Variants in TMEM132B observed in about 807,000 individuals in gnomAD.
TMEM132B encodes the protein transmembrane protein 132B.
TMEM132B carries 18 observed loss-of-function variants against 90.8 expected under a neutral mutation model. The ratio of observed to expected loss-of-function variants is 0.20; its 90% CI spans 0.14 to 0.29. The LOEUF (loss-of-function observed/expected upper bound fraction) is 0.29, where lower values mean the gene tolerates loss of function less well. Ranked by LOEUF, TMEM132B falls within the 10% of genes least tolerant of loss-of-function variation. The pLI is 1.00. For synonymous variants in TMEM132B, 504 were observed against 523.3 expected (o/e 0.96, Z 0.50); for missense variants, 1,096 against 1,326.8 (o/e 0.83, Z 2.70).
At chr12:125,590,002 T>C (rs141876863) in intron 5 of TMEM132B, among the ~76,000 whole-genome samples, 1 of 152,244 alleles carries the variant, frequency 6.6e-6, no homozygotes, top group African/African-American at 2.4e-5. Context: ...CATGAATGGC[T>C]TAGTGCTGTC....
chr12:125,355,902 A>G (rs1877753009), intron 2 of TMEM132B, among the ~76,000 whole-genome samples: 1 of 152,164 alleles, frequency 6.6e-6, no homozygotes, highest in African/African-American at 2.4e-5. Flanking sequence ...GTGATTCTCT[A>G]ATACCAAGAT....
intron 5 of TMEM132B, among the ~76,000 whole-genome samples, chr12:125,629,363 T>C (rs917615633): frequency 3.9e-5 from 6 of 152,102 alleles, no homozygotes; most frequent in Non-Finnish European, 5.9e-5. Flanking sequence ...GTTTACTTCT[T>C]TGGTTAATTC....
At chr12:125,272,482 CGCCCAG>C (rs980925366) in intron 1 of TMEM132B, among the ~76,000 whole-genome samples, 28 of 152,128 alleles carry the variant, frequency 1.8e-4, no homozygotes, top group Admixed American at 3.9e-4. Flanking sequence ...TGATCCCCTG[CGCCCAG>C]GCCTGTCTTT....
chr12:125,600,453 T>A (rs375946229), intron 5 of TMEM132B, among the ~76,000 whole-genome samples: 79 of 152,334 alleles, frequency 5.2e-4, no homozygotes, highest in African/African-American at 1.8e-3. Context: ...CGTTTGCTTG[T>A]CAACTTGTTA....
intron 3 of TMEM132B, among the ~76,000 whole-genome samples, chr12:125,419,212 C>A (rs569559549): frequency 6.6e-6 from 1 of 152,320 alleles, no homozygotes; most frequent in African/African-American, 2.4e-5. Flanking sequence ...GTTGCTGTAA[C>A]CCAACTCAAG....
intron 4 of TMEM132B, among the ~76,000 whole-genome samples, chr12:125,560,381 T>G (rs1178362404): frequency 6.6e-6 from 1 of 152,178 alleles, no homozygotes; most frequent in Non-Finnish European, 1.5e-5. Context: ...CCTGAAATAA[T>G]AAGTCATTCA....
chr12:125,380,359 A>G (rs777091901), intron 2 of TMEM132B, among the ~76,000 whole-genome samples: 27 of 152,218 alleles, frequency 1.8e-4, no homozygotes, highest in Non-Finnish European at 3.7e-4. Context: ...ACTGTAACCC[A>G]GGATGATTTC....
intron 4 of TMEM132B, among the ~76,000 whole-genome samples, chr12:125,550,582 C>G (rs1329742307): frequency 6.6e-6 from 1 of 152,142 alleles, no homozygotes; most frequent in Non-Finnish European, 1.5e-5. Flanking sequence ...TCATATTTTT[C>G]TTTCTGTTTA....
chr12:125,272,602 A>C (rs762524968), intron 1 of TMEM132B, among the ~76,000 whole-genome samples: 1 of 152,058 alleles, frequency 6.6e-6, no homozygotes, highest in Non-Finnish European at 1.5e-5. Flanking sequence ...TTGGCACCAC[A>C]TCCAAGTGGC....
rs138223363 is a variant in TMEM132B, at chr12:125,565,430, A to G, written c.1294-18421A>G. On this transcript the variant is annotated intron_variant, in intron 4 of 8. Transcript: ENST00000682704. ...CCTGAAGCCCAAGTGTGCGTATGCT[A>G]CAGTGTGCTCTTTAGCCTTGCCATC... Among the ~76,000 whole-genome samples the G allele has an allele frequency of 6.4e-3, 978 of 152,346 alleles. 11 individuals are homozygous for G. Among genetic ancestry groups the G allele is most frequent in the African/African-American group, 0.022 (928 of 41,574 alleles).
At chr12:125,558,352 AG>A (rs1458726667) in intron 4 of TMEM132B, among the ~76,000 whole-genome samples, 3 of 152,200 alleles carry the variant, frequency 2.0e-5, no homozygotes, top group Non-Finnish European at 4.4e-5. Context: ...AACTCTGTAA[AG>A]TTGTGAAAGT....
intron 3 of TMEM132B, among the ~76,000 whole-genome samples, chr12:125,437,604 G>C (rs535074731): frequency 6.6e-6 from 1 of 151,552 alleles, no homozygotes; most frequent in Admixed American, 6.6e-5. Context: ...AAAGAAAAAC[G>C]TAGCGTCTCC....
intron 1 of TMEM132B, among the ~76,000 whole-genome samples, chr12:125,290,874 C>A (rs1161365422): frequency 6.6e-6 from 1 of 152,202 alleles, no homozygotes; most frequent in African/African-American, 2.4e-5. Context: ...TGAAGGTACA[C>A]ATGCCCTGTG....
intron 1 of TMEM132B, among the ~76,000 whole-genome samples, chr12:125,321,572 G>A (rs796881730): frequency 1.4e-4 from 21 of 151,752 alleles, no homozygotes; most frequent in African/African-American, 5.1e-4. Context: ...CCACCTCCCA[G>A]GTTCAAGCGA....
At chr12:125,557,140 A>G (rs1884408992) in intron 4 of TMEM132B, among the ~76,000 whole-genome samples, 1 of 152,174 alleles carries the variant, frequency 6.6e-6, no homozygotes, top group South Asian at 2.1e-4. Context: ...CTTTATATGC[A>G]TGCTAATGTA....
Position 125,330,333 on chromosome 12 carries a change from C to CT in TMEM132B, c.68-19101dup, listed in dbSNP as rs75180932. Reference sequence around the variant, plus strand: ...TAGTCGTGCTTTGTTTAAGGGGTTTCTTTTTTTTTTTTTTTTTTGCAGCCA... The same window carrying CT: ...TAGTCGTGCTTTGTTTAAGGGGTTTCTTTTTTTTTTTTTTTTTTTGCAGCCA... On this transcript the variant is annotated intron_variant, in intron 1 of 8. Transcript: ENST00000682704. Among the ~76,000 whole-genome samples, 324 of 124,454 alleles carry CT rather than the reference C, an allele frequency of 2.6e-3. 2 individuals are homozygous for CT. The highest frequency in any genetic ancestry group is 8.4e-3 in the Middle Eastern group (2 of 238). The allele number at this position is 124,454 out of a possible 152,430, so 81.6% of individuals were successfully genotyped here. A position where few individuals can be genotyped will look rare whatever the true frequency, so the allele number is the denominator to read the frequency against.
intron 3 of TMEM132B, among the ~76,000 whole-genome samples, chr12:125,500,938 G>A (rs1159900363): frequency 6.6e-6 from 1 of 152,148 alleles, no homozygotes; most frequent in East Asian, 1.9e-4. Context: ...GTAATTGGGA[G>A]GGCCTAAGGA....
intron 1 of TMEM132B, among the ~76,000 whole-genome samples, chr12:125,227,897 G>A (rs1474261867): frequency 6.6e-6 from 1 of 152,096 alleles, no homozygotes; most frequent in Admixed American, 6.5e-5. Flanking sequence ...TCCCAGTGTT[G>A]CCCAGTGTTG....
intron 5 of TMEM132B, among the ~76,000 whole-genome samples, chr12:125,633,101 T>C (rs773304547): frequency 6.6e-6 from 1 of 152,120 alleles, no homozygotes; most frequent in African/African-American, 2.4e-5. Flanking sequence ...CTTGCTTGAT[T>C]TTTATTCTTT....
Sources: allele counts gnomAD v4.1 joint callset (sites outside exome capture counted in the v4.1 genomes callset), GRCh38; gene constraint gnomAD v4.1.1; transcripts MANE v1.5; gene names NCBI Gene and HGNC (gene_info 2026-07-23, HGNC 2026-07-21).